Variants in ZMYM4 observed in about 807,000 individuals in gnomAD.
ZMYM4 encodes the protein zinc finger MYM-type protein 4.
In ZMYM4, 31 loss-of-function variants were observed where a neutral mutation model predicts 183.2. The observed-to-expected ratio is 0.17, with a 90% CI of 0.13 to 0.23. The LOEUF (loss-of-function observed/expected upper bound fraction) is 0.23. Ranked by LOEUF, ZMYM4 falls within the 10% of genes least tolerant of loss-of-function variation. The probability of loss-of-function intolerance (pLI) is 1.00; values close to 1 mark genes in which losing one functional copy is unlikely to be tolerated. For missense variants in ZMYM4, 1,273 were observed against 1,840.3 expected, an observed-to-expected ratio of 0.69 and a Z score of 5.64; for synonymous variants, 592 against 631.2, an observed-to-expected ratio of 0.94 and a Z score of 0.93.
chr1:35,331,797 C>CATAAATACATAA (rs1553168590), intron 2 of ZMYM4, among the ~76,000 whole-genome samples: 2 of 140,582 alleles, frequency 1.4e-5, no homozygotes, highest in African/African-American at 5.2e-5. Flanking sequence ...CTCAAAAATA[C>CATAAATACATAA]ATAAATAAAT....
intron 1 of ZMYM4, among the ~76,000 whole-genome samples, chr1:35,311,573 C>G (rs894882485): frequency 6.6e-6 from 1 of 151,770 alleles, no homozygotes; most frequent in Non-Finnish European, 1.5e-5. Context: ...CCACTGTACC[C>G]TAGTCTGGGT....
intron 2 of ZMYM4, among the ~76,000 whole-genome samples, chr1:35,344,923 TTACTC>T (rs1308022829): frequency 6.6e-6 from 1 of 152,236 alleles, no homozygotes; most frequent in African/African-American, 2.4e-5. Context: ...AGTGTTTTAT[TTACTC>T]AATTCACTAG....
rs995420915 is a variant in ZMYM4 at position 35,306,351 on chromosome 1, A to G, written c.40-19009A>G. ...GGGCCTTGTCTTATATTTTCCTTCT[A>G]TGAATGCTTGTTTATTTTTATGTAT... is the stretch of plus-strand genomic sequence containing the variant. On this transcript the variant is annotated intron_variant, in intron 1 of 29. Coordinates refer to ENST00000314607, the MANE Select transcript of ZMYM4 (RefSeq NM_005095.3). Among the ~76,000 whole-genome samples the G allele has an allele frequency of 2.3e-4, 35 of 151,714 alleles. 1 individual carries two copies. Among genetic ancestry groups the G allele is most frequent in the Non-Finnish European group, 4.4e-5 (3 of 67,914 alleles).
In ZMYM4 at chr1:35,381,263, A is replaced by G; in HGVS notation, c.1186A>G (p.Ile396Val). ...TTATTTTTTTCTTATTTTTAGAGAC[A>G]TTTTAAATCCAAAGGATGTGATCAG... ...KKTCSSCSKD[I>V]LNPKDVISAQ... Residue 396 changes from isoleucine (I) to valine (V), a missense_variant, in exon 8 of 30, where the codon ATT becomes GTT. Coordinates refer to ENST00000314607, the MANE Select transcript of ZMYM4 (RefSeq NM_005095.3). 6.4e-7 allele frequency: 1 copy of G among 1,572,394 alleles called. No individual in the cohort carries two copies. The highest frequency in any genetic ancestry group is 8.6e-7 in the Non-Finnish European group (1 of 1,161,900).
chr1:35,403,538 G>T (rs1465567703), intron 23 of ZMYM4, among the ~76,000 whole-genome samples: 1 of 151,994 alleles, frequency 6.6e-6, no homozygotes, highest in Admixed American at 6.6e-5. Context: ...CACCCACCTC[G>T]CCCTCCCAAA....
At chr1:35,285,532 A>T (rs1450112344) in intron 1 of ZMYM4, among the ~76,000 whole-genome samples, 1 of 152,218 alleles carries the variant, frequency 6.6e-6, no homozygotes, top group Non-Finnish European at 1.5e-5. Context: ...TTTGGAAAAA[A>T]AAATAAAAGG....
intron 1 of ZMYM4, among the ~76,000 whole-genome samples, chr1:35,308,446 T>G (rs1641646587): frequency 6.6e-6 from 1 of 152,168 alleles, no homozygotes; most frequent in African/African-American, 2.4e-5. Flanking sequence ...AATTTCAGAC[T>G]TTTAGGCCCA....
chr1:35,309,759 G>T (rs1641706584), intron 1 of ZMYM4, among the ~76,000 whole-genome samples: 1 of 151,792 alleles, frequency 6.6e-6, no homozygotes, highest in African/African-American at 2.4e-5. Context: ...AGTCCAGCCT[G>T]GCCGACAGAG....
At chr1:35,285,456 A>G (rs530307987) in intron 1 of ZMYM4, among the ~76,000 whole-genome samples, 6 of 152,158 alleles carry the variant, frequency 3.9e-5, no homozygotes, top group Admixed American at 6.6e-5. Context: ...TAGAATGAAG[A>G]AAAAAAAGAA....
intron 1 of ZMYM4, among the ~76,000 whole-genome samples, chr1:35,282,980 GTTTTTTTTTTTTTTTTTTT>G (rs775211352): frequency 3.7e-3 from 97 of 26,260 alleles, no homozygotes; most frequent in African/African-American, 8.5e-3. Flanking sequence ...TGTGTGTGTG[GTTTTTTTTTTTTTTTTTTT>G]TTTTTTTTTT....
rs1632048 is a variant in ZMYM4 at position 35,411,668 on chromosome 1, T to A, written c.3949-2304T>A. On this transcript the variant is annotated intron_variant, in intron 26 of 29. Transcript: ENST00000314607. ...TGGATTTTGATATGATTGCAGTGAA[T>A]CTATAAATTGATTTGGAGAATATTG... Among the ~76,000 whole-genome samples, 1,218 of 152,328 alleles carry A rather than the reference T, an allele frequency of 8.0e-3. 20 individuals carry two copies. Among genetic ancestry groups the A allele is most frequent in the African/African-American group, 0.023 (973 of 41,580 alleles).
rs199637023 is a variant in ZMYM4, at chr1:35,296,827, T to TTTTCTTTC, written c.39+27754_39+27761dup. 1.0e-3 allele frequency among the ~76,000 whole-genome samples: 138 copies of TTTTCTTTC among 135,210 alleles called. 1 individual carries two copies. The highest frequency in any genetic ancestry group is 3.9e-3 in the African/African-American group (122 of 31,534). 88.7% of individuals were successfully genotyped at this position (135,210 alleles called of 152,430 possible). A position where few individuals can be genotyped will look rare whatever the true frequency, so the allele number is the denominator to read the frequency against. On this transcript the variant is annotated intron_variant, in intron 1 of 29. Transcript: ENST00000314607. Reference sequence around the variant, plus strand: ...CCCAGTAACTGTTCTTACCTTTTCTTTTTCTTTCTTTCTTTCTTTTTTTTT... The same window carrying TTTTCTTTC: ...CCCAGTAACTGTTCTTACCTTTTCTTTTTCTTTCTTTCTTTCTTTCTTTCTTTTTTTTT...
chr1:35,289,255 G>A (rs749471271), intron 1 of ZMYM4, among the ~76,000 whole-genome samples: 1 of 152,086 alleles, frequency 6.6e-6, no homozygotes, highest in Non-Finnish European at 1.5e-5. Context: ...TGAACTTCAG[G>A]GAGCAAGATG....
chr1:35,385,869 G>C (rs1218455165), intron 10 of ZMYM4, among the ~76,000 whole-genome samples: 2 of 152,026 alleles, frequency 1.3e-5, no homozygotes, highest in Non-Finnish European at 2.9e-5. Flanking sequence ...GGTAGTTTCA[G>C]GGTAGACTTT....
intron 1 of ZMYM4, chr1:35,310,297 T>C: frequency 4.8e-6 from 1 of 210,024 alleles, no homozygotes; most frequent in Non-Finnish European, 9.4e-6. Flanking sequence ...TGTAGATGAT[T>C]TGAAAGATTT....
chr1:35,352,275 A>G (rs909347277), intron 2 of ZMYM4, among the ~76,000 whole-genome samples: 3,381 of 23,728 alleles, frequency 0.14, 87 homozygotes, highest in East Asian at 0.3. Flanking sequence ...GCGCGCACAC[A>G]CACACACACA....
intron 26 of ZMYM4, among the ~76,000 whole-genome samples, chr1:35,408,608 A>G (rs898295548): frequency 6.6e-6 from 1 of 152,004 alleles, no homozygotes; most frequent in Non-Finnish European, 1.5e-5. Flanking sequence ...ATGGTGGTGT[A>G]TGCCTCCACT....
chr1:35,357,697 G>A (rs1643865873), intron 2 of ZMYM4, among the ~76,000 whole-genome samples: 1 of 152,180 alleles, frequency 6.6e-6, no homozygotes, highest in Admixed American at 6.5e-5. Flanking sequence ...CATATGCTTG[G>A]AATGGGAGGG....
In ZMYM4 at chr1:35,386,091, A is replaced by G. The variant is rs1218381098; in HGVS notation, c.1738A>G (p.Asn580Asp). 1.2e-6 allele frequency: 2 copies of G among 1,613,520 alleles called. No homozygotes were observed. Among genetic ancestry groups the G allele is most frequent in the Non-Finnish European group, 1.7e-6 (2 of 1,179,612 alleles). ...VTSAGVQVQC[N>D]SCKTSAIPQY... The stretch of plus-strand genomic sequence containing the variant: ...TTGCTAAGGTGTACAAGTTCAGTGT[A>G]ACAGTTGTAAAACCTCAGCAATTCC... The change falls in exon 11 of 30, where the codon AAC becomes GAC. Residue 580 changes from asparagine (N) to aspartate (D), a missense_variant. Asn to Asp is a conservative substitution (Grantham distance 23). This residue lies in a region of ZMYM4 where 319 missense variants were observed against 518.1 expected (regional missense o/e 0.62). Coordinates refer to ENST00000314607, the MANE Select transcript of ZMYM4 (RefSeq NM_005095.3).
Sources: gnomAD v4.1 joint callset for allele counts (sites outside exome capture counted in the v4.1 genomes callset) on GRCh38, gnomAD v4.1.1 for gene constraint, gnomAD v4.1.1 regional missense constraint, MANE v1.5 for transcripts, NCBI Gene and HGNC (gene_info 2026-07-23, HGNC 2026-07-21) for gene names.